Variants in HADHA observed in about 807,000 individuals in gnomAD.
The protein encoded by HADHA is trifunctional enzyme subunit alpha, mitochondrial.
Under a neutral mutation model 91.3 loss-of-function variants are expected in HADHA, and 59 were observed. The observed-to-expected ratio is 0.65, with a 90% CI of 0.52 to 0.80. HADHA has a LOEUF of 0.80. HADHA is among the 30% of genes least tolerant of loss of function. The pLI, the probability that HADHA is intolerant of heterozygous loss-of-function variation, is 0.00. For synonymous variants in HADHA, 320 were observed against 338.9 expected (o/e 0.94, Z 0.61); for missense variants, 800 against 927.6 (o/e 0.86, Z 1.79).
chr2:26,195,271 C>T (rs371997900), intron 14 of HADHA, 39 bp from the exon 15 acceptor site: 44 of 1,578,922 alleles, frequency 2.8e-5, no homozygotes, highest in South Asian at 2.4e-4. Context: ...TCGGAGAATG[C>T]GGGTGAGGAA....
In HADHA at chr2:26,191,762, G is replaced by A; in HGVS notation, c.2001-134C>T. 4 of 885,264 alleles carry A rather than the reference G, an allele frequency of 4.5e-6. No individual in the cohort carries two copies. In the South Asian group the frequency reaches 5.4e-5, roughly 12 times the overall value. The allele number at this position is 885,264 out of a possible 1,614,324, so 54.8% of individuals were successfully genotyped here. On this transcript the variant is annotated intron_variant, in intron 18 of 19. Coordinates refer to ENST00000380649, the MANE Select transcript of HADHA (RefSeq NM_000182.5). ...CCGGTTGGTGCTGGCCCTCAGAGAA[G>A]ATGCTGCCTGGGTGAACCAAACTTT...
chr2:26,232,477 C>T (rs993169047), intron 5 of HADHA, among the ~76,000 whole-genome samples, 198 bp from the exon 6 acceptor site: 1 of 152,058 alleles, frequency 6.6e-6, no homozygotes, highest in Admixed American at 6.6e-5. Context: ...AATTTACTAA[C>T]CTCTTTTTGG....
intron 16 of HADHA, 54 bp downstream of exon 16, chr2:26,194,516 A>G: frequency 9.5e-7 from 1 of 1,047,144 alleles, no homozygotes. Context: ...CATGAGTTTT[A>G]GAGTGACTGA....
intron 7 of HADHA, among the ~76,000 whole-genome samples, chr2:26,226,962 T>C (rs1670497499): frequency 6.6e-6 from 1 of 152,130 alleles, no homozygotes; most frequent in African/African-American, 2.4e-5. Flanking sequence ...TAAACCAGAC[T>C]TCATTAAAAT....
At chr2:26,233,029 G>C (rs1282351536) in intron 5 of HADHA, among the ~76,000 whole-genome samples, 1 of 152,184 alleles carries the variant, frequency 6.6e-6, no homozygotes, top group Non-Finnish European at 1.5e-5. Context: ...TCAGGCAATA[G>C]AGGCCAATGG....
chr2:26,244,623 G>A lies in HADHA; in HGVS notation c.-27C>T, dbSNP rs1009975398. 3 of 1,563,116 alleles carry A rather than the reference G, an allele frequency of 1.9e-6. No individual in the cohort carries two copies. Among genetic ancestry groups the A allele is most frequent in the South Asian group, 1.2e-5 (1 of 85,100 alleles). On this transcript the variant is annotated 5_prime_UTR_variant, in exon 1 of 20. Transcript: ENST00000380649. The stretch of plus-strand genomic sequence containing the variant: ...TTGAGCTGAAGAGGACAGCAGTGGA[G>A]AGCGCCTCTAACGGGTGCGGCCGAG...
At chr2:26,209,476 G>C (rs1670042675) in intron 11 of HADHA, among the ~76,000 whole-genome samples, 1 of 152,178 alleles carries the variant, frequency 6.6e-6, no homozygotes, top group Admixed American at 6.5e-5. Context: ...GATGATCATT[G>C]AACAGTGCAG....
chr2:26,212,461 A>T (rs1412547296), intron 10 of HADHA, 109 bp downstream of exon 10: 3 of 814,084 alleles, frequency 3.7e-6, no homozygotes, highest in Non-Finnish European at 6.4e-6. Flanking sequence ...GAAGAAAAAA[A>T]TTTTTACTAG....
At chr2:26,236,813 T>C (rs1332493966) in intron 4 of HADHA, 42 bp downstream of exon 4, 1 of 1,504,966 alleles carries the variant, frequency 6.6e-7, no homozygotes, top group Non-Finnish European at 9.2e-7. Context: ...AAACACACTA[T>C]TAACCAAGAT....
At chr2:26,205,127 T>C (rs963806404) in intron 11 of HADHA, among the ~76,000 whole-genome samples, 2 of 152,214 alleles carry the variant, frequency 1.3e-5, no homozygotes, top group African/African-American at 2.4e-5. Context: ...TCTAAGCCTT[T>C]TGAGGACCAG....
rs367788344 is a variant in HADHA, at chr2:26,193,293, C to G, written c.1885+284G>C. Among the ~76,000 whole-genome samples, 7 of 115,166 alleles carry G rather than the reference C, an allele frequency of 6.1e-5. No homozygotes were observed. The South Asian group carries it at 2.2e-3, about 35-fold the overall frequency. 75.6% of individuals were successfully genotyped at this position (115,166 alleles called of 152,430 possible). A position where few individuals can be genotyped will look rare whatever the true frequency, so the allele number is the denominator to read the frequency against. On this transcript the variant is annotated intron_variant, in intron 17 of 19. Coordinates refer to ENST00000380649, the MANE Select transcript of HADHA (RefSeq NM_000182.5). ...AGCCCTTAGAAGGTTCACATGACATCTTTTTTTTTTTTTTTTTTTGAGAAG... is the reference window on the plus strand; with the variant it reads ...AGCCCTTAGAAGGTTCACATGACATGTTTTTTTTTTTTTTTTTTTGAGAAG...
At chr2:26,212,723 A>T in intron 9 of HADHA, 97 bp from the exon 10 acceptor site, 2 of 833,292 alleles carry the variant, frequency 2.4e-6, no homozygotes, top group Non-Finnish European at 4.3e-6. Flanking sequence ...GTCCTCAAAG[A>T]GTAAGTCAAA....
intron 5 of HADHA, among the ~76,000 whole-genome samples, chr2:26,232,581 C>T (rs1670649255): frequency 6.6e-6 from 1 of 152,076 alleles, no homozygotes; most frequent in Non-Finnish European, 1.5e-5. Context: ...GTTAAAAAGC[C>T]CCGGACTCTC....
intron 12 of HADHA, among the ~76,000 whole-genome samples, chr2:26,201,758 T>C (rs905070319): frequency 1.2e-4 from 18 of 152,202 alleles, no homozygotes; most frequent in Non-Finnish European, 2.6e-4. Flanking sequence ...ATCGCAAATA[T>C]ATAATTTTAT....
At chr2:26,230,158 A>G (rs1405289943) in intron 7 of HADHA, 34 bp downstream of exon 7, 2 of 1,290,674 alleles carry the variant, frequency 1.5e-6, no homozygotes, top group Admixed American at 3.4e-5. Flanking sequence ...AAGTAACTTT[A>G]TAAGGTCTGA....
At chr2:26,228,526 C>G (rs1003029962) in intron 7 of HADHA, among the ~76,000 whole-genome samples, 3 of 152,246 alleles carry the variant, frequency 2.0e-5, no homozygotes, top group Admixed American at 6.5e-5. Flanking sequence ...ATTTGGTGAA[C>G]GGATAAACAA....
At chr2:26,215,585 A>G (rs1359220420) in intron 7 of HADHA, among the ~76,000 whole-genome samples, 2 of 152,192 alleles carry the variant, frequency 1.3e-5, no homozygotes, top group Admixed American at 6.5e-5. Context: ...AATTCTAGAG[A>G]GCAAGAGCCT....
At chr2:26,200,799 C>T (rs1158594983) in intron 13 of HADHA, among the ~76,000 whole-genome samples, 2 of 150,500 alleles carry the variant, frequency 1.3e-5, no homozygotes, top group African/African-American at 4.9e-5. Context: ...GTGGCGTGAT[C>T]TCGGCTCACT....
chr2:26,223,447 A>C (rs145686038), intron 7 of HADHA, among the ~76,000 whole-genome samples: 1 of 152,350 alleles, frequency 6.6e-6, no homozygotes, highest in African/African-American at 2.4e-5. Flanking sequence ...TCACCCCACC[A>C]GGCAAAGAAC....
Sources: gnomAD v4.1 joint callset for allele counts (sites outside exome capture counted in the v4.1 genomes callset) on GRCh38, gnomAD v4.1.1 for gene constraint, MANE v1.5 for transcripts, NCBI Gene and HGNC (gene_info 2026-07-23, HGNC 2026-07-21) for gene names.